Variants in SEZ6L observed in about 807,000 individuals in gnomAD.
SEZ6L encodes the protein seizure related 6 homolog like, also known as seizure 6-like protein.
A neutral mutation model predicts 106.2 loss-of-function variants in SEZ6L; 37 were observed. That is an observed-to-expected ratio of 0.35 (90% CI 0.27 to 0.46). The LOEUF is 0.46. Among genes scored for constraint, SEZ6L ranks in the 20% least tolerant of loss-of-function variants. The pLI is 1.00. For synonymous variants in SEZ6L, 541 were observed against 570.4 expected (o/e 0.95, Z 0.73); for missense variants, 1,172 against 1,332.8 (o/e 0.88, Z 1.88).
chr22:26,294,721 A>AACACACAC lies in SEZ6L; in HGVS notation c.969+325_969+332dup, dbSNP rs56000206. The stretch of plus-strand genomic sequence containing the variant: ...ATACACACACGCATGCACGTGCATA[A>AACACACAC]ACACACACACACACACACACACACA... On this transcript the variant is annotated intron_variant, in intron 3 of 16. Transcript: ENST00000248933. 5.1e-3 allele frequency among the ~76,000 whole-genome samples: 751 copies of AACACACAC among 148,262 alleles called. 3 individuals carry two copies. The highest frequency in any genetic ancestry group is 0.016 in the African/African-American group (657 of 40,314).
chr22:26,324,663 CT>C (rs1303846520), intron 9 of SEZ6L, among the ~76,000 whole-genome samples: 1 of 152,168 alleles, frequency 6.6e-6, no homozygotes, highest in African/African-American at 2.4e-5. Context: ...ATAAAACTGG[CT>C]GAACTCAGAT....
chr22:26,304,369 GAAGAAAGAAAGAAAGAAAGAAAGA>G (rs35971247), intron 5 of SEZ6L, among the ~76,000 whole-genome samples: 31 of 98,300 alleles, frequency 3.2e-4, no homozygotes, highest in Admixed American at 7.0e-4. Flanking sequence ...AAAAAAGAAA[GAAGAAAGAAAGAAAGAAAGAAAGA>G]AAGAAAGAAA....
At chr22:26,173,410 G>C (rs1054867354) in intron 1 of SEZ6L, among the ~76,000 whole-genome samples, 1 of 152,218 alleles carries the variant, frequency 6.6e-6, no homozygotes, top group Admixed American at 6.5e-5. Flanking sequence ...ATGAGAATTT[G>C]ACCTTGCCTG....
intron 1 of SEZ6L, among the ~76,000 whole-genome samples, chr22:26,202,330 T>C (rs369022701): frequency 6.6e-6 from 1 of 152,152 alleles, no homozygotes; most frequent in South Asian, 2.1e-4. Flanking sequence ...GATGATCCCA[T>C]AGGAAAATGA....
chr22:26,313,766 A>T lies in SEZ6L; in HGVS notation c.1879A>T (p.Met627Leu). 6.2e-7 allele frequency: 1 copy of T among 1,606,162 alleles called. No individual in the cohort carries two copies. The highest frequency in any genetic ancestry group is 1.1e-5 in the South Asian group (1 of 90,872). ...TCTTGCCTGTCTGTCTTTTACAGCC[A>T]TGTGTGGTGGGGAGCTCTCTGCTGT... Reference protein sequence around the residue: ...WNDTEPLCRAMCGGELSAVAG... With the variant: ...WNDTEPLCRALCGGELSAVAG... The change falls in exon 9 of 17, where the codon ATG becomes TTG. Residue 627 changes from methionine to leucine, a missense_variant and splice_region_variant. Physicochemically the swap from Met to Leu is conservative, Grantham distance 15 (BLOSUM62 2). This residue lies in a region of SEZ6L where 534 missense variants were observed against 691.0 expected (regional missense o/e 0.77). Coordinates refer to ENST00000248933, the MANE Select transcript of SEZ6L (RefSeq NM_021115.5).
chr22:26,378,460 T>C (rs1338382669), intron 16 of SEZ6L, among the ~76,000 whole-genome samples: 1 of 152,240 alleles, frequency 6.6e-6, no homozygotes, highest in Non-Finnish European at 1.5e-5. Context: ...TTAATCATGA[T>C]GCTATCTTGC....
rs911633700 is a variant in SEZ6L at position 26,382,528 on chromosome 22, T to A, written c.*2233T>A. ...AAAAGGCGTTGTGTTTTTTGTTTTT[T>A]TGTTGTTGTTGTCATTGTTGTTTTT... On this transcript the variant is annotated 3_prime_UTR_variant, in exon 17 of 17. Coordinates refer to ENST00000248933, the MANE Select transcript of SEZ6L (RefSeq NM_021115.5). 6.5e-6 allele frequency: 1 copy of A among 152,826 alleles called. No individual in the cohort carries two copies. The highest frequency in any genetic ancestry group is 1.5e-5 in the Non-Finnish European group (1 of 68,502). The allele number at this position is 152,826 out of a possible 1,614,324, so 9.5% of individuals were successfully genotyped here.
chr22:26,182,548 C>A (rs898702243), intron 1 of SEZ6L, among the ~76,000 whole-genome samples: 3 of 151,912 alleles, frequency 2.0e-5, no homozygotes, highest in African/African-American at 7.3e-5. Context: ...AATTAGGTAC[C>A]CAATATAGAT....
At position 26,169,634 on chromosome 22, in the gene SEZ6L, C is replaced by T. The variant is rs532158179; in HGVS notation, c.-36C>T. 2.2e-3 allele frequency: 1,860 copies of T among 854,724 alleles called. 5 individuals are homozygous for T. Among genetic ancestry groups the T allele is most frequent in the Non-Finnish European group, 2.6e-3 (1,600 of 610,296 alleles). 52.9% of individuals were successfully genotyped at this position (854,724 alleles called of 1,614,324 possible). On this transcript the variant is annotated 5_prime_UTR_variant, in exon 1 of 17. Coordinates refer to ENST00000248933, the MANE Select transcript of SEZ6L (RefSeq NM_021115.5). ...CCCAGCTCCCTCGCCGTCCGCCCGC[C>T]CCACAGCCAGCGGCTCCGCGCCCCC...
At chr22:26,261,727 A>T (rs1335377003) in intron 1 of SEZ6L, among the ~76,000 whole-genome samples, 1 of 152,198 alleles carries the variant, frequency 6.6e-6, no homozygotes, top group Admixed American at 6.5e-5. Context: ...AAAAGACAAA[A>T]TTGGCCAAGG....
chr22:26,236,225 T>C (rs565198696), intron 1 of SEZ6L, among the ~76,000 whole-genome samples: 1 of 152,350 alleles, frequency 6.6e-6, no homozygotes, highest in South Asian at 2.1e-4. Context: ...TGAGGGCAGA[T>C]GGCAGTGCAA....
At position 26,284,604 on chromosome 22, in the gene SEZ6L, CA is replaced by C. The variant is rs137198; in HGVS notation, c.95-7774del. On this transcript the variant is annotated intron_variant, in intron 1 of 16. Transcript: ENST00000248933. Reference sequence around the variant, plus strand: ...CAGCCTTGATGACAGATCAGGACTCCAAAAAAAAAAAAAAAAAAAAAAAAAA... The same window carrying C: ...CAGCCTTGATGACAGATCAGGACTCCAAAAAAAAAAAAAAAAAAAAAAAAA... 3.2e-3 allele frequency among the ~76,000 whole-genome samples: 207 copies of C among 64,014 alleles called. No homozygotes were observed. The East Asian group carries it at 0.072, about 22-fold the overall frequency. 42.0% of individuals were successfully genotyped at this position (64,014 alleles called of 152,430 possible).
At chr22:26,360,920 A>G (rs1326930957) in intron 12 of SEZ6L, among the ~76,000 whole-genome samples, 1 of 152,132 alleles carries the variant, frequency 6.6e-6, no homozygotes, top group Non-Finnish European at 1.5e-5. Context: ...AACAAAAAAA[A>G]CACGGAGAGT....
intron 9 of SEZ6L, among the ~76,000 whole-genome samples, chr22:26,339,711 T>C (rs772035295): frequency 2.0e-5 from 3 of 152,192 alleles, no homozygotes; most frequent in Non-Finnish European, 2.9e-5. Flanking sequence ...TTTCACCTTA[T>C]ATAAAAATGC....
At position 26,169,480 on chromosome 22, in the gene SEZ6L, G is replaced by A. The variant is rs934801866; in HGVS notation, c.-190G>A. 39 of 326,888 alleles carry A rather than the reference G, an allele frequency of 1.2e-4. No homozygotes were observed. Among genetic ancestry groups the A allele is most frequent in the African/African-American group, 7.9e-4 (36 of 45,850 alleles). The allele number at this position is 326,888 out of a possible 1,614,324, so 20.2% of individuals were successfully genotyped here. ...CCTCCTCACTCGCCCGCCCGCGCCC[G>A]GCGCAGCTCGGCCAGAGCGACCGCG... On this transcript the variant is annotated 5_prime_UTR_variant, in exon 1 of 17. Coordinates refer to ENST00000248933, the MANE Select transcript of SEZ6L (RefSeq NM_021115.5).
At chr22:26,266,726 C>A (rs1244597486) in intron 1 of SEZ6L, among the ~76,000 whole-genome samples, 1 of 152,024 alleles carries the variant, frequency 6.6e-6, no homozygotes, top group Non-Finnish European at 1.5e-5. Flanking sequence ...TCAAGTCTGA[C>A]TTTCTTTCTA....
chr22:26,208,699 T>C (rs1941421914), intron 1 of SEZ6L, among the ~76,000 whole-genome samples: 1 of 152,186 alleles, frequency 6.6e-6, no homozygotes, highest in African/African-American at 2.4e-5. Flanking sequence ...TACATAGTCA[T>C]AGTTTTCTTC....
At position 26,186,030 on chromosome 22, in the gene SEZ6L, G is replaced by A. The variant is rs150270279; in HGVS notation, c.94+16267G>A. ...AAGCCAAATAAATGTGCCCTGTGAA[G>A]TGTGTGATCGATCACACCCTGGCTG... On this transcript the variant is annotated intron_variant, in intron 1 of 16. Transcript: ENST00000248933. Among the ~76,000 whole-genome samples, 281 of 151,986 alleles carry A rather than the reference G, an allele frequency of 1.8e-3. 4 individuals are homozygous for A. The highest frequency in any genetic ancestry group is 3.4e-3 in the Middle Eastern group (1 of 294).
chr22:26,356,120 C>A (rs1360183517), intron 12 of SEZ6L, among the ~76,000 whole-genome samples: 1 of 152,236 alleles, frequency 6.6e-6, no homozygotes, highest in Non-Finnish European at 1.5e-5. Context: ...CACGCTAGGA[C>A]AGAGGTTCCC....
Sources: allele counts gnomAD v4.1 joint callset (sites outside exome capture counted in the v4.1 genomes callset), GRCh38; gene constraint gnomAD v4.1.1; regional missense constraint gnomAD v4.1.1; transcripts MANE v1.5; gene names NCBI Gene and HGNC (gene_info 2026-07-23, HGNC 2026-07-21).